TBC1D23: variants seen among roughly 807,000 people sequenced by gnomAD.
The protein encoded by TBC1D23 is HCV non-structural protein 4A-transactivated protein 1.
TBC1D23 carries 55 observed loss-of-function variants against 91.4 expected under a neutral mutation model. The observed-to-expected ratio is 0.60, with a 90% CI of 0.48 to 0.75. TBC1D23 has a LOEUF of 0.75. TBC1D23 is among the 30% of genes least tolerant of loss of function. The pLI, the probability that TBC1D23 is intolerant of heterozygous loss-of-function variation, is 0.00. For missense variants in TBC1D23, 725 were observed against 836.1 expected, an observed-to-expected ratio of 0.87 and a Z score of 1.64; for synonymous variants, 289 against 281.0, an observed-to-expected ratio of 1.03 and a Z score of -0.28.
At chr3:100,323,117 C>CT in intron 18 of TBC1D23, among the ~76,000 whole-genome samples, 1 of 152,084 alleles carries the variant, frequency 6.6e-6, no homozygotes, top group Admixed American at 6.5e-5. Context: ...ACTATAGCTA[C>CT]TTTTTATATA....
At chr3:100,318,854 T>G (rs563458587) in intron 16 of TBC1D23, among the ~76,000 whole-genome samples, 2 of 152,178 alleles carry the variant, frequency 1.3e-5, no homozygotes, top group African/African-American at 4.8e-5. Flanking sequence ...GGTTTCACCA[T>G]GTTGCCCAGG....
intron 3 of TBC1D23, 35 bp downstream of exon 3, chr3:100,281,882 T>C (rs745777012): frequency 5.7e-6 from 8 of 1,399,970 alleles, no homozygotes; most frequent in Non-Finnish European, 3.0e-6. Context: ...CAGAGTTAAA[T>C]TTTGGAAATA....
At chr3:100,322,783 T>C (rs1705883549) in intron 18 of TBC1D23, among the ~76,000 whole-genome samples, 1 of 152,092 alleles carries the variant, frequency 6.6e-6, no homozygotes, top group South Asian at 2.1e-4. Flanking sequence ...TTTTTTTTAA[T>C]TCAGAGTTTT....
At chr3:100,273,428 CTCTTT>C (rs2067618162) in intron 1 of TBC1D23, among the ~76,000 whole-genome samples, 2 of 152,178 alleles carry the variant, frequency 1.3e-5, no homozygotes, top group South Asian at 4.1e-4. Context: ...AATCTGATCT[CTCTTT>C]CTTTTCCCCA....
intron 1 of TBC1D23, among the ~76,000 whole-genome samples, chr3:100,263,642 C>A (rs2067533331): frequency 6.6e-6 from 1 of 152,160 alleles, no homozygotes; most frequent in Non-Finnish European, 1.5e-5. Flanking sequence ...TAATTAAATG[C>A]ACCTTTTAAG....
chr3:100,321,854 T>C (rs1705863945), intron 18 of TBC1D23, among the ~76,000 whole-genome samples: 1 of 151,630 alleles, frequency 6.6e-6, no homozygotes, highest in Non-Finnish European at 1.5e-5. Flanking sequence ...ATCACTTCAT[T>C]GCTTTATGTA....
At chr3:100,271,170 G>A (rs1485472739) in intron 1 of TBC1D23, among the ~76,000 whole-genome samples, 1 of 152,142 alleles carries the variant, frequency 6.6e-6, no homozygotes, top group Non-Finnish European at 1.5e-5. Context: ...GATACAGAGA[G>A]TGGTCCCTAT....
intron 1 of TBC1D23, among the ~76,000 whole-genome samples, chr3:100,276,259 G>C (rs909589361): frequency 6.6e-6 from 1 of 151,642 alleles, no homozygotes; most frequent in African/African-American, 2.4e-5. Flanking sequence ...TTAGTATATA[G>C]TCATTTTTTC....
chr3:100,289,066 C>T (rs961319211), intron 4 of TBC1D23, among the ~76,000 whole-genome samples: 6 of 151,720 alleles, frequency 4.0e-5, no homozygotes, highest in Non-Finnish European at 5.9e-5. Context: ...ATACAAAAAT[C>T]GCCTGGGCAT....
chr3:100,262,330 T>A (rs1465086595), intron 1 of TBC1D23, among the ~76,000 whole-genome samples: 1 of 152,168 alleles, frequency 6.6e-6, no homozygotes, highest in Non-Finnish European at 1.5e-5. Context: ...AAAGCAGCAG[T>A]GTTTCAACTA....
At position 100,319,076 on chromosome 3, in the gene TBC1D23, T is replaced by C; in HGVS notation, c.1695T>C (p.Ile565=). 1 of 1,561,248 alleles carries C rather than the reference T, an allele frequency of 6.4e-7. No individual in the cohort carries two copies. The highest frequency in any genetic ancestry group is 8.7e-7 in the Non-Finnish European group (1 of 1,145,614). ...GDEEEYDTDE[I]DSSSMSDDDR... ...ACTTTGTATTTTTTATAGATGAAAT[T>C]GACAGTTCTTCAATGTCAGATGATG... The change falls in exon 17 of 19, where the codon ATT becomes ATC. Residue 565 remains isoleucine, a synonymous_variant. Transcript: ENST00000394144.
rs757906196 is a variant in TBC1D23, at chr3:100,320,834, A to G, written c.1881A>G (p.Lys627=). The G allele has an allele frequency of 6.2e-6, 10 of 1,610,630 alleles. No individual in the cohort carries two copies. The Admixed American group carries it at 1.5e-4, about 24-fold the overall frequency. The change falls in exon 18 of 19, where the codon AAA becomes AAG. Residue 627 remains lysine, a synonymous_variant. Coordinates refer to ENST00000394144, the MANE Select transcript of TBC1D23 (RefSeq NM_001199198.3). ...MYCLREIVSR[K]GLAYIQSRQA... ...GTTTAAGGGAGATTGTTTCACGGAA[A>G]GGATTGGCTTATATACAGTCTCGAC...
At chr3:100,320,616 G>A (rs1705837419) in intron 17 of TBC1D23, among the ~76,000 whole-genome samples, 161 bp from the exon 18 acceptor site, 1 of 152,070 alleles carries the variant, frequency 6.6e-6, no homozygotes, top group African/African-American at 2.4e-5. Flanking sequence ...AGGTGTTAAT[G>A]TGTAGCTTAC....
chr3:100,318,646 C>CTTTTTTTTTTTTTTTTTTTTTTTTTT (rs1221401600), intron 16 of TBC1D23, among the ~76,000 whole-genome samples: 1 of 137,900 alleles, frequency 7.3e-6, no homozygotes, highest in Admixed American at 7.3e-5. Context: ...TTGCGTTATT[C>CTTTTTTTTTTTTTTTTTTTTTTTTTT]TTTTTTTTTT....
chr3:100,275,140 C>T (rs2067638256), intron 1 of TBC1D23, among the ~76,000 whole-genome samples: 1 of 152,166 alleles, frequency 6.6e-6, no homozygotes, highest in African/African-American at 2.4e-5. Flanking sequence ...TTTGCATTTC[C>T]ACTAACTGTA....
intron 15 of TBC1D23, among the ~76,000 whole-genome samples, chr3:100,312,874 C>T (rs1176437317): frequency 6.6e-6 from 1 of 152,006 alleles, no homozygotes; most frequent in African/African-American, 2.4e-5. Context: ...ATACTTTCAG[C>T]CGGGCGCAAT....
chr3:100,276,792 C>A (rs532767701), intron 1 of TBC1D23, among the ~76,000 whole-genome samples: 9 of 152,150 alleles, frequency 5.9e-5, no homozygotes, highest in Admixed American at 2.0e-4. Flanking sequence ...TAGTATTATA[C>A]CAACATACGT....
Position 100,295,098 on chromosome 3 carries a change from T to C in TBC1D23, c.612T>C (p.Leu204=), listed in dbSNP as rs200926398. Residue 204 remains leucine (L), a synonymous_variant, in exon 6 of 19, where the codon CTT becomes CTC. Transcript: ENST00000394144. The stretch of plus-strand genomic sequence containing the variant: ...TTTCCTGATTACAGCTTGGAAGTCT[T>C]TTTGCATGTTACTGTTCCACTGAAG... ...DSYALNWLGS[L]FACYCSTEVT... is the part of the protein sequence containing the mutation. 106 of 1,587,738 alleles carry C rather than the reference T, an allele frequency of 6.7e-5. No homozygotes were observed. Among genetic ancestry groups the C allele is most frequent in the Non-Finnish European group, 8.8e-5 (103 of 1,171,588 alleles).
At chr3:100,296,311 C>A in intron 8 of TBC1D23, 36 bp downstream of exon 8, 2 of 1,156,374 alleles carry the variant, frequency 1.7e-6, no homozygotes, top group South Asian at 2.7e-5. Context: ...TGTTGTATTT[C>A]ATATTTTGTA....
Sources: allele counts gnomAD v4.1 joint callset (sites outside exome capture counted in the v4.1 genomes callset), GRCh38; gene constraint gnomAD v4.1.1; transcripts MANE v1.5; gene names NCBI Gene and HGNC (gene_info 2026-07-23, HGNC 2026-07-21).